CARMIL1: variants seen among roughly 807,000 people sequenced by gnomAD.
The protein encoded by CARMIL1 is capping protein regulator and myosin 1 linker 1.
CARMIL1 carries 90 observed loss-of-function variants against 177.1 expected under a neutral mutation model. The observed-to-expected ratio is 0.51, with a 90% CI of 0.43 to 0.61. The LOEUF (loss-of-function observed/expected upper bound fraction) is 0.61, where lower values mean the gene tolerates loss of function less well. Among genes scored for constraint, CARMIL1 ranks in the 20% least tolerant of loss-of-function variants. The pLI is 0.00. For synonymous variants in CARMIL1, 577 were observed against 606.2 expected, an observed-to-expected ratio of 0.95 and a Z score of 0.71; for missense variants, 1,380 against 1,667.0, an observed-to-expected ratio of 0.83 and a Z score of 3.00.
At chr6:25,455,690 G>A (rs1434814641) in intron 8 of CARMIL1, among the ~76,000 whole-genome samples, 1 of 152,120 alleles carries the variant, frequency 6.6e-6, no homozygotes, top group African/African-American at 2.4e-5. Flanking sequence ...GGTTCCATTT[G>A]TTTCTTTTAG....
intron 2 of CARMIL1, among the ~76,000 whole-genome samples, chr6:25,356,126 C>T (rs989636410): frequency 6.6e-6 from 1 of 151,048 alleles, no homozygotes; most frequent in Non-Finnish European, 1.5e-5. Flanking sequence ...GGCACAATCT[C>T]GGCTCACTGC....
At chr6:25,532,835 T>C (rs1164712081) in intron 24 of CARMIL1, among the ~76,000 whole-genome samples, 3 of 152,344 alleles carry the variant, frequency 2.0e-5, no homozygotes, top group Admixed American at 6.5e-5. Flanking sequence ...TAGTAAATAC[T>C]TTAGGCTTTG....
chr6:25,294,099 G>A (rs1050051692), intron 2 of CARMIL1, among the ~76,000 whole-genome samples: 2 of 152,146 alleles, frequency 1.3e-5, no homozygotes, highest in Admixed American at 1.3e-4. Flanking sequence ...TTAGATATGT[G>A]TAGATGCACA....
At chr6:25,299,529 AG>A (rs1477719258) in intron 2 of CARMIL1, among the ~76,000 whole-genome samples, 1 of 151,960 alleles carries the variant, frequency 6.6e-6, no homozygotes, top group African/African-American at 2.4e-5. Context: ...ACCAACCTTG[AG>A]GTATTTCAGT....
intron 29 of CARMIL1, among the ~76,000 whole-genome samples, chr6:25,567,724 C>G (rs1811681026): frequency 6.6e-6 from 1 of 152,172 alleles, no homozygotes; most frequent in African/African-American, 2.4e-5. Context: ...AGAAAGAAAA[C>G]TAGTGCATGA....
At chr6:25,369,219 C>G (rs1235095094) in intron 2 of CARMIL1, among the ~76,000 whole-genome samples, 1 of 152,056 alleles carries the variant, frequency 6.6e-6, no homozygotes, top group Non-Finnish European at 1.5e-5. Context: ...CTTGGAAGTC[C>G]CAGACGGGGA....
intron 2 of CARMIL1, among the ~76,000 whole-genome samples, chr6:25,356,763 C>G (rs73732952): frequency 2.6e-5 from 4 of 152,076 alleles, no homozygotes; most frequent in Admixed American, 2.6e-4. Context: ...CTGCTAGAGT[C>G]TTGTATGGTG....
At chr6:25,464,837 G>A (rs1349073710) in intron 8 of CARMIL1, among the ~76,000 whole-genome samples, 1 of 152,094 alleles carries the variant, frequency 6.6e-6, no homozygotes, top group African/African-American at 2.4e-5. Context: ...ACTGAACAGA[G>A]CAGTAAAAGA....
chr6:25,466,997 C>A (rs987813410), intron 9 of CARMIL1, among the ~76,000 whole-genome samples: 1 of 152,154 alleles, frequency 6.6e-6, no homozygotes, highest in Non-Finnish European at 1.5e-5. Flanking sequence ...CTAGTTGGAA[C>A]CATTTCTTAT....
At chr6:25,384,596 A>G (rs1791965963) in intron 2 of CARMIL1, among the ~76,000 whole-genome samples, 1 of 152,168 alleles carries the variant, frequency 6.6e-6, no homozygotes, top group South Asian at 2.1e-4. Flanking sequence ...CACTGTATGG[A>G]CACCAGTTTG....
intron 24 of CARMIL1, among the ~76,000 whole-genome samples, chr6:25,529,892 A>G (rs1317718514): frequency 6.6e-6 from 1 of 152,112 alleles, no homozygotes; most frequent in Non-Finnish European, 1.5e-5. Flanking sequence ...GACACAAACT[A>G]AGCTGGTCCT....
intron 23 of CARMIL1, among the ~76,000 whole-genome samples, chr6:25,523,261 G>C (rs565257041): frequency 6.6e-6 from 1 of 152,144 alleles, no homozygotes; most frequent in South Asian, 2.1e-4. Flanking sequence ...CAATTTTTTT[G>C]AAATTTATTT....
chr6:25,328,602 G>A (rs986408355), intron 2 of CARMIL1, among the ~76,000 whole-genome samples: 1 of 152,090 alleles, frequency 6.6e-6, no homozygotes, highest in East Asian at 1.9e-4. Context: ...TCACATCTTC[G>A]TTACCTTCTC....
At chr6:25,402,574 A>G (rs1236292239) in intron 2 of CARMIL1, among the ~76,000 whole-genome samples, 1 of 152,220 alleles carries the variant, frequency 6.6e-6, no homozygotes, top group Non-Finnish European at 1.5e-5. Context: ...TGTCTGATTC[A>G]TGAATGTTTT....
At position 25,600,435 on chromosome 6, in the gene CARMIL1, G is replaced by A. The variant is rs1390109135; in HGVS notation, c.3241G>A (p.Glu1081Lys). The A allele has an allele frequency of 3.1e-6, 5 of 1,613,790 alleles. No individual in the cohort carries two copies. The highest frequency in any genetic ancestry group is 4.2e-6 in the Non-Finnish European group (5 of 1,179,902). ...TTTAATCAAATCCCGGTCCAAATCC[G>A]AGCGACCACCAACGATCTTGATGAC... is the stretch of plus-strand genomic sequence containing the variant. ...LNLIKSRSKS[E>K]RPPTILMTEE... Residue 1081 changes from glutamate to lysine, a missense_variant, in exon 33 of 37, where the codon GAG (glutamate) becomes AAG (lysine). Glu to Lys is a moderately conservative substitution (Grantham distance 56, BLOSUM62 1). Coordinates refer to ENST00000329474, the MANE Select transcript of CARMIL1 (RefSeq NM_017640.6).
chr6:25,338,262 A>ATAAAATAAAAT (rs1554167267), intron 2 of CARMIL1, among the ~76,000 whole-genome samples: 6 of 50,050 alleles, frequency 1.2e-4, no homozygotes, highest in Admixed American at 1.9e-4. Flanking sequence ...GTCTCAAAAA[A>ATAAAATAAAAT]AAAAAAATAA....
rs992662911 is a variant in CARMIL1 at position 25,418,025 on chromosome 6, G to A, written c.139-2089G>A. Among the ~76,000 whole-genome samples the A allele has an allele frequency of 7.9e-5, 12 of 152,272 alleles. No individual in the cohort carries two copies. In the East Asian group the frequency reaches 1.5e-3, roughly 20 times the overall value. On this transcript the variant is annotated intron_variant, in intron 2 of 36. Transcript: ENST00000329474. The stretch of plus-strand genomic sequence containing the variant: ...TCCACCAGGGGCTAGAGCACAAGGA[G>A]GCACGATTGAGTAATAACATGTAGA...
rs1812750187 is a variant in CARMIL1, at chr6:25,577,866, G to T, written c.2743-3058G>T. 6.6e-6 allele frequency among the ~76,000 whole-genome samples: 1 copy of T among 152,118 alleles called. No individual in the cohort carries two copies. On this transcript the variant is annotated intron_variant, in intron 29 of 36. Transcript: ENST00000329474. This position sits in a 1 kb window ranked among gnomAD's most constrained non-coding sequence, Gnocchi z 4.5. Reference sequence around the variant, plus strand: ...TGTGGCCTTTTTGTTCACAGTGTCTGCCACAATGGGGACTTATTGATGATT... The same window carrying T: ...TGTGGCCTTTTTGTTCACAGTGTCTTCCACAATGGGGACTTATTGATGATT...
Position 25,554,216 on chromosome 6 carries a change from T to A in CARMIL1, c.2592+120T>A. The A allele has an allele frequency of 1.4e-6, 1 of 731,720 alleles. No individual in the cohort carries two copies. The highest frequency in any genetic ancestry group is 2.3e-6 in the Non-Finnish European group (1 of 433,722). 45.3% of individuals were successfully genotyped at this position (731,720 alleles called of 1,614,324 possible). On this transcript the variant is annotated intron_variant, in intron 28 of 36. Coordinates refer to ENST00000329474, the MANE Select transcript of CARMIL1 (RefSeq NM_017640.6). This position sits in a 1 kb window ranked among gnomAD's most constrained non-coding sequence, Gnocchi z 4.6. ...ATTTCACACTATTACAGCTTTATGGTTTGTGATCTTGGTTTTCCTCCTTTC... is the reference window on the plus strand; with the variant it reads ...ATTTCACACTATTACAGCTTTATGGATTGTGATCTTGGTTTTCCTCCTTTC...
Sources: allele counts gnomAD v4.1 joint callset (sites outside exome capture counted in the v4.1 genomes callset), GRCh38; gene constraint gnomAD v4.1.1; non-coding constraint Gnocchi (gnomAD v3.1); transcripts MANE v1.5; gene names NCBI Gene and HGNC (gene_info 2026-07-23, HGNC 2026-07-21).